The following AKR1C8 variants were observed in gnomAD, a reference collection of about 807,000 sequenced individuals.
AKR1C8 encodes aldo-keto reductase family 1 member C8.
At chr10:5,117,572 T>C in the AKR1C8 span, among the ~76,000 whole-genome samples, 20 of 152,228 alleles carry the variant, frequency 1.3e-4, no homozygotes, top group East Asian at 3.7e-3. Flanking sequence ...CTTAGTCCAT[T>C]GTGTTGCTAT....
chr10:5,121,506 G>A, the AKR1C8 span, among the ~76,000 whole-genome samples: 1 of 152,262 alleles, frequency 6.6e-6, no homozygotes, highest in Admixed American at 6.5e-5. Flanking sequence ...AGCCAAGGAA[G>A]ACATAAATTT....
chr10:5,129,421 T>A, the AKR1C8 span, among the ~76,000 whole-genome samples: 1 of 151,322 alleles, frequency 6.6e-6, no homozygotes, highest in Non-Finnish European at 1.5e-5. Context: ...AGAAATAATA[T>A]CAGAACAGAA....
the AKR1C8 span, among the ~76,000 whole-genome samples, chr10:5,171,213 T>C: frequency 8.6e-5 from 13 of 151,690 alleles, no homozygotes; most frequent in South Asian, 2.1e-4. Context: ...TAGAGCTTTA[T>C]AGCTGATTAT....
At chr10:5,132,886 T>C in the AKR1C8 span, 128,420 of 416,594 alleles carry the variant, frequency 0.31, 21,272 homozygotes, top group Non-Finnish European at 0.37. Context: ...TAGTTCTATA[T>C]ATGGGGTGAT....
At chr10:5,147,737 C>G in the AKR1C8 span, among the ~76,000 whole-genome samples, 2 of 152,190 alleles carry the variant, frequency 1.3e-5, no homozygotes, top group Admixed American at 1.3e-4. Context: ...GGGCACAGCC[C>G]ACATGGCTAC....
chr10:5,180,799 G>T, the AKR1C8 span, among the ~76,000 whole-genome samples: 4 of 152,362 alleles, frequency 2.6e-5, no homozygotes, highest in South Asian at 4.1e-4. Context: ...CCATGTGTGG[G>T]ATATAATCTC....
chr10:5,176,338 T>C, the AKR1C8 span, among the ~76,000 whole-genome samples: 1 of 138,546 alleles, frequency 7.2e-6, no homozygotes, highest in Non-Finnish European at 1.6e-5. Flanking sequence ...CTGATCTATA[T>C]CTCTGTTTTG....
chr10:5,148,723 T>A, the AKR1C8 span, among the ~76,000 whole-genome samples: 1 of 152,158 alleles, frequency 6.6e-6, no homozygotes, highest in Admixed American at 6.5e-5. Flanking sequence ...CATGCAAAAT[T>A]ACAGATATCT....
chr10:5,139,841 C>T, the AKR1C8 span, among the ~76,000 whole-genome samples: 2 of 152,056 alleles, frequency 1.3e-5, no homozygotes, highest in Non-Finnish European at 2.9e-5. Context: ...AAAGGAACTA[C>T]CATCAGAGTG....
At chr10:5,161,983 C>A in the AKR1C8 span, 1 of 434,310 alleles carries the variant, frequency 2.3e-6, no homozygotes, top group Non-Finnish European at 4.8e-6. Flanking sequence ...CTGCAGTGAC[C>A]AAAAGAAACA....
the AKR1C8 span, among the ~76,000 whole-genome samples, chr10:5,140,117 G>T: frequency 6.6e-6 from 1 of 152,158 alleles, no homozygotes; most frequent in Non-Finnish European, 1.5e-5. Context: ...ACACCAGTTA[G>T]AATGATGATC....
At chr10:5,143,582 C>A in the AKR1C8 span, among the ~76,000 whole-genome samples, 11 of 151,940 alleles carry the variant, frequency 7.2e-5, no homozygotes, top group East Asian at 2.1e-3. Context: ...AAATGTATTC[C>A]TGTTCATACA....
the AKR1C8 span, among the ~76,000 whole-genome samples, chr10:5,145,662 C>T: frequency 2.0e-5 from 3 of 152,140 alleles, no homozygotes; most frequent in Non-Finnish European, 4.4e-5. Context: ...CATCTCACAC[C>T]AGTTAGAATG....
At chr10:5,180,999 T>C in the AKR1C8 span, among the ~76,000 whole-genome samples, 1 of 152,190 alleles carries the variant, frequency 6.6e-6, no homozygotes, top group Non-Finnish European at 1.5e-5. Context: ...CCCACTGTCC[T>C]GTGCCCACTG....
chr10:5,174,296 TAATTA>T, the AKR1C8 span, among the ~76,000 whole-genome samples: 1 of 69,002 alleles, frequency 1.4e-5, no homozygotes, highest in East Asian at 4.5e-4. Flanking sequence ...AAAAAAACTC[TAATTA>T]ATTAACCTAA....
the AKR1C8 span, among the ~76,000 whole-genome samples, chr10:5,137,671 T>C: frequency 6.6e-6 from 1 of 152,074 alleles, no homozygotes; most frequent in Non-Finnish European, 1.5e-5. Context: ...TGGCACAATA[T>C]TGGGGCAACT....
chr10:5,181,341 A>G, the AKR1C8 span, among the ~76,000 whole-genome samples: 1 of 152,238 alleles, frequency 6.6e-6, no homozygotes, highest in Admixed American at 6.5e-5. Flanking sequence ...TTTTCAAGTC[A>G]TAATAAAGAC....
chr10:5,132,149 T>A, the AKR1C8 span, among the ~76,000 whole-genome samples: 1 of 151,760 alleles, frequency 6.6e-6, no homozygotes, highest in Non-Finnish European at 1.5e-5. Context: ...GACATACAGA[T>A]GATATAATGG....
At chr10:5,163,102 C>T in the AKR1C8 span, 16 of 437,534 alleles carry the variant, frequency 3.7e-5, no homozygotes, top group East Asian at 2.3e-4. Context: ...TTTTCACTGT[C>T]GGTTTCTGCT....
Sources: gnomAD v4.1 joint callset for allele counts (sites outside exome capture counted in the v4.1 genomes callset) on GRCh38, gnomAD v4.1.1 for gene constraint, MANE v1.5 for transcripts, NCBI Gene and HGNC (gene_info 2026-07-23, HGNC 2026-07-21) for gene names.